PCCA: variants seen among roughly 807,000 people sequenced by gnomAD.
The protein encoded by PCCA is propionyl-CoA carboxylase subunit alpha.
PCCA carries 74 observed loss-of-function variants against 101.3 expected under a neutral mutation model. That is an observed-to-expected ratio of 0.73 (90% confidence interval 0.61 to 0.89). The LOEUF (loss-of-function observed/expected upper bound fraction) is 0.89, where lower values mean the gene tolerates loss of function less well. PCCA is among the 40% of genes least tolerant of loss of function. The pLI, the probability that PCCA is intolerant of heterozygous loss-of-function variation, is 0.00. For missense variants in PCCA, 891 were observed against 907.0 expected, an observed-to-expected ratio of 0.98 and a Z score of 0.23; for synonymous variants, 294 against 313.6, an observed-to-expected ratio of 0.94 and a Z score of 0.66.
intron 22 of PCCA, among the ~76,000 whole-genome samples, chr13:100,524,801 G>A (rs1339805371): frequency 1.3e-5 from 2 of 152,154 alleles, no homozygotes; most frequent in Non-Finnish European, 2.9e-5. Context: ...GAACTTGGGA[G>A]GTAGAGGTTG....
intron 7 of PCCA, among the ~76,000 whole-genome samples, chr13:100,225,485 C>G (rs2060095717): frequency 6.6e-6 from 1 of 151,344 alleles, no homozygotes; most frequent in Non-Finnish European, 1.5e-5. Flanking sequence ...TTTTTATCAC[C>G]TAATTGGCCA....
At chr13:100,326,110 A>G (rs929478246) in intron 16 of PCCA, among the ~76,000 whole-genome samples, 1 of 152,170 alleles carries the variant, frequency 6.6e-6, no homozygotes, top group Non-Finnish European at 1.5e-5. Context: ...ATCAAGCCCA[A>G]AATTTGTGCT....
intron 23 of PCCA, among the ~76,000 whole-genome samples, 193 bp from the exon 24 acceptor site, chr13:100,529,905 G>GC (rs1353705510): frequency 6.6e-6 from 1 of 152,104 alleles, no homozygotes; most frequent in Non-Finnish European, 1.5e-5. Context: ...GTGAGCCACG[G>GC]CCACGGCCAC....
chr13:100,520,159 A>C (rs1253464371), intron 22 of PCCA, among the ~76,000 whole-genome samples: 1 of 152,128 alleles, frequency 6.6e-6, no homozygotes, highest in Non-Finnish European at 1.5e-5. Context: ...TCCAACAAGC[A>C]CTCCTGTGCC....
chr13:100,439,350 A>G (rs1195893490), intron 20 of PCCA, among the ~76,000 whole-genome samples: 1 of 152,130 alleles, frequency 6.6e-6, no homozygotes, highest in South Asian at 2.1e-4. Context: ...AAAAATTACA[A>G]CCATTTTTAA....
intron 20 of PCCA, among the ~76,000 whole-genome samples, chr13:100,440,089 A>G (rs1018307115): frequency 2.7e-5 from 4 of 147,984 alleles, no homozygotes; most frequent in African/African-American, 9.8e-5. Flanking sequence ...TGTCACATGA[A>G]TCTCATGTTA....
At chr13:100,441,716 G>A (rs967299182) in intron 20 of PCCA, among the ~76,000 whole-genome samples, 1 of 152,140 alleles carries the variant, frequency 6.6e-6, no homozygotes, top group Non-Finnish European at 1.5e-5. Flanking sequence ...TTTAATAAGC[G>A]TGGATATGTT....
At chr13:100,251,938 C>T (rs1052982468) in intron 8 of PCCA, among the ~76,000 whole-genome samples, 2 of 152,190 alleles carry the variant, frequency 1.3e-5, no homozygotes, top group Non-Finnish European at 2.9e-5. Flanking sequence ...TCATGAAGAA[C>T]TCCCCCCGCC....
intron 6 of PCCA, among the ~76,000 whole-genome samples, chr13:100,186,738 C>CAAAAAAACAAA (rs2057301164): frequency 2.4e-5 from 2 of 84,080 alleles, no homozygotes; most frequent in Non-Finnish European, 4.8e-5. Context: ...GATTCCATCT[C>CAAAAAAACAAA]AAAAAAAAAA....
chr13:100,340,183 A>T lies in PCCA; in HGVS notation c.1567A>T (p.Asn523Tyr), dbSNP rs1387564190. The change falls in exon 18 of 24, where the codon AAC becomes TAC. Residue 523 changes from asparagine to tyrosine, a missense_variant. Transcript: ENST00000376285. ...ACACATGCTAACCAAGAGTGAGAAG[A>T]ACCAGTTATTGGCAATAGCATCATC... is the stretch of plus-strand genomic sequence containing the variant. ...KGHMLTKSEK[N>Y]QLLAIASSLF... 2 of 1,605,792 alleles carry T rather than the reference A, an allele frequency of 1.2e-6. No individual in the cohort carries two copies. Among genetic ancestry groups the T allele is most frequent in the Non-Finnish European group, 1.7e-6 (2 of 1,172,464 alleles).
intron 4 of PCCA, among the ~76,000 whole-genome samples, chr13:100,131,949 T>C (rs1171855766): frequency 2.0e-5 from 3 of 151,836 alleles, no homozygotes; most frequent in Admixed American, 2.0e-4. Flanking sequence ...GCCTGGGGAG[T>C]CAGGGAATGC....
At chr13:100,526,236 TC>T (rs1474770234) in intron 22 of PCCA, among the ~76,000 whole-genome samples, 1 of 152,044 alleles carries the variant, frequency 6.6e-6, no homozygotes, top group Non-Finnish European at 1.5e-5. Flanking sequence ...GCCCCTCCCA[TC>T]CCCCTGCAAA....
At chr13:100,216,625 C>T (rs76686041) in intron 7 of PCCA, among the ~76,000 whole-genome samples, 2,339 of 152,242 alleles carry the variant, frequency 0.015, 65 homozygotes, top group African/African-American at 0.053. Context: ...ATTTTATATA[C>T]GTTGCCATTT....
At chr13:100,143,487 A>AAT (rs2052143331) in intron 4 of PCCA, among the ~76,000 whole-genome samples, 1 of 150,898 alleles carries the variant, frequency 6.6e-6, no homozygotes, top group African/African-American at 2.4e-5. Flanking sequence ...GTGAGCTGAG[A>AAT]TTGCGCCACT....
At position 100,285,083 on chromosome 13, in the gene PCCA, C is replaced by A. The variant is rs549073918; in HGVS notation, c.1065+11737C>A. Among the ~76,000 whole-genome samples the A allele has an allele frequency of 6.6e-5, 10 of 152,276 alleles. No homozygotes were observed. In the South Asian group the frequency reaches 2.1e-3, roughly 32 times the overall value. On this transcript the variant is annotated intron_variant, in intron 12 of 23. Transcript: ENST00000376285. ...CTAGGCCTAATCTTAGCCAAAGGGA[C>A]CAGGGCCCTCATCAAGGAACGAATA... is the stretch of plus-strand genomic sequence containing the variant.
At chr13:100,440,654 T>G (rs1405503095) in intron 20 of PCCA, among the ~76,000 whole-genome samples, 2 of 152,208 alleles carry the variant, frequency 1.3e-5, no homozygotes, top group African/African-American at 4.8e-5. Flanking sequence ...TAAAGTGTTT[T>G]ACAGGTTTTA....
chr13:100,464,698 TA>T (rs1323421574), intron 21 of PCCA: 3 of 152,218 alleles, frequency 2.0e-5, no homozygotes, highest in Admixed American at 2.0e-4. Context: ...AGAAAGCACA[TA>T]CTTAAATGTG....
At chr13:100,158,680 A>G (rs763519618) in intron 6 of PCCA, among the ~76,000 whole-genome samples, 88 of 152,348 alleles carry the variant, frequency 5.8e-4, no homozygotes, top group Non-Finnish European at 8.4e-4. Flanking sequence ...AATGTATTAC[A>G]TTTAAGTCCG....
intron 18 of PCCA, among the ~76,000 whole-genome samples, chr13:100,345,837 A>G (rs2152764226): frequency 6.6e-6 from 1 of 152,300 alleles, no homozygotes; most frequent in East Asian, 1.9e-4. Context: ...TTACCATTTC[A>G]TAAACCCTAG....
Sources: allele counts gnomAD v4.1 joint callset (sites outside exome capture counted in the v4.1 genomes callset), GRCh38; gene constraint gnomAD v4.1.1; transcripts MANE v1.5; gene names NCBI Gene and HGNC (gene_info 2026-07-23, HGNC 2026-07-21).